MTMR3: variants seen among roughly 807,000 people sequenced by gnomAD.
MTMR3 encodes myotubularin related protein 3.
Under a neutral mutation model 132.4 loss-of-function variants are expected in MTMR3, and 32 were observed. That is an observed-to-expected ratio of 0.24 (90% CI 0.18 to 0.32). The LOEUF (loss-of-function observed/expected upper bound fraction) is 0.32. Ranked by LOEUF, MTMR3 falls within the 10% of genes least tolerant of loss-of-function variation. The probability of loss-of-function intolerance (pLI) is 1.00; values close to 1 mark genes in which losing one functional copy is unlikely to be tolerated. For missense variants in MTMR3, 1,216 were observed against 1,489.6 expected, an observed-to-expected ratio of 0.82 and a Z score of 3.02; for synonymous variants, 556 against 550.3, an observed-to-expected ratio of 1.01 and a Z score of -0.14.
chr22:29,943,914 C>T (rs1454997622), intron 1 of MTMR3, among the ~76,000 whole-genome samples: 1 of 151,938 alleles, frequency 6.6e-6, no homozygotes, highest in East Asian at 1.9e-4. Context: ...AACTCTGCCT[C>T]CTGGGCTTAC....
At chr22:30,008,109 A>G (rs928595793) in intron 11 of MTMR3, 77 bp downstream of exon 11, 20 of 1,560,468 alleles carry the variant, frequency 1.3e-5, no homozygotes, top group Non-Finnish European at 1.7e-5. Flanking sequence ...CTTAGTTCCC[A>G]ATTTGAAATA....
intron 1 of MTMR3, among the ~76,000 whole-genome samples, chr22:29,892,532 T>G (rs537224992): frequency 3.5e-3 from 529 of 152,304 alleles, no homozygotes; most frequent in Non-Finnish European, 5.0e-3. Flanking sequence ...TAACAAACTT[T>G]CCATGATGAT....
intron 1 of MTMR3, among the ~76,000 whole-genome samples, chr22:29,909,269 C>G (rs1448529908): frequency 1.3e-5 from 2 of 152,092 alleles, no homozygotes; most frequent in Admixed American, 1.3e-4. Flanking sequence ...AGATTATTTG[C>G]CCTACTCCCC....
chr22:29,995,224 G>A (rs924614238), intron 7 of MTMR3: 3 of 152,254 alleles, frequency 2.0e-5, no homozygotes, highest in African/African-American at 7.2e-5. Context: ...TTTGAATGCA[G>A]TCCAGGAAGT....
rs2067932153 is a variant in MTMR3 at position 30,027,418 on chromosome 22, A to G, written c.*1617A>G. The G allele has an allele frequency of 6.5e-6, 1 of 152,798 alleles. No homozygotes were observed. Among genetic ancestry groups the G allele is most frequent in the South Asian group, 2.1e-4 (1 of 4,836 alleles). The allele number at this position is 152,798 out of a possible 1,614,324, so 9.5% of individuals were successfully genotyped here. ...TTCCCTGGTGCTCTCAGTCCAGGCA[A>G]AGCCCAGAGCATCTGAGCACGTCTC... is the stretch of plus-strand genomic sequence containing the variant. On this transcript the variant is annotated 3_prime_UTR_variant, in exon 20 of 20. Coordinates refer to ENST00000401950, the MANE Select transcript of MTMR3 (RefSeq NM_021090.4).
intron 1 of MTMR3, among the ~76,000 whole-genome samples, chr22:29,914,166 T>C (rs1013228418): frequency 6.6e-6 from 1 of 152,200 alleles, no homozygotes; most frequent in Admixed American, 6.5e-5. Context: ...TGCAGGATTG[T>C]AGGGTAAGTG....
chr22:29,999,719 A>G (rs1434269357), intron 8 of MTMR3: 1 of 152,258 alleles, frequency 6.6e-6, no homozygotes, highest in East Asian at 1.9e-4. Context: ...TTAAATATTA[A>G]TGTAACCTTT....
At chr22:29,903,793 TTTCTCATTAATGTATG>T (rs2065045159) in intron 1 of MTMR3, among the ~76,000 whole-genome samples, 1 of 152,170 alleles carries the variant, frequency 6.6e-6, no homozygotes, top group African/African-American at 2.4e-5. Context: ...CTACAGAGCT[TTTCTCATTAATGTATG>T]TTCCTTCTGA....
At chr22:29,900,085 C>G (rs2064976313) in intron 1 of MTMR3, among the ~76,000 whole-genome samples, 1 of 152,062 alleles carries the variant, frequency 6.6e-6, no homozygotes, top group Non-Finnish European at 1.5e-5. Context: ...GAAGAGTGCA[C>G]AAATCAAATG....
chr22:30,008,526 C>G, intron 11 of MTMR3: 1 of 161,644 alleles, frequency 6.2e-6, no homozygotes, highest in South Asian at 1.7e-4. Flanking sequence ...GGAATGCTAG[C>G]TTTCCCCAAG....
chr22:29,892,302 C>G (rs771376500), intron 1 of MTMR3, among the ~76,000 whole-genome samples: 1 of 152,082 alleles, frequency 6.6e-6, no homozygotes, highest in Non-Finnish European at 1.5e-5. Flanking sequence ...TGTAAGTACT[C>G]TATTTCTTCT....
At chr22:30,022,882 A>G in intron 19 of MTMR3, 185 bp downstream of exon 19, 1 of 594,264 alleles carries the variant, frequency 1.7e-6, no homozygotes, top group South Asian at 2.0e-5. Context: ...GTTCAAATTC[A>G]GAGTAATCAC....
At chr22:29,909,729 C>T (rs541253377) in intron 1 of MTMR3, among the ~76,000 whole-genome samples, 1 of 152,244 alleles carries the variant, frequency 6.6e-6, no homozygotes, top group East Asian at 1.9e-4. Context: ...CAGCATATAA[C>T]AGAACTTTGT....
At chr22:29,991,298 C>T (rs775080267) in intron 6 of MTMR3, 30 of 420,038 alleles carry the variant, frequency 7.1e-5, no homozygotes, top group Non-Finnish European at 8.8e-5. Context: ...TGGTCAGCTT[C>T]CTCCTTTTGG....
Position 30,022,073 on chromosome 22 carries a change from G to A in MTMR3, c.3270G>A (p.Leu1090=), listed in dbSNP as rs764367696. ...AAAGCAATCTGGATCAGAACTGTTT[G>A]TCTCGCTGCAGCACAGAGATTTTCT... ...DSESNLDQNC[L]SRCSTEIFSE... is the part of the protein sequence containing the mutation. The change falls in exon 18 of 20, where the codon TTG becomes TTA. Residue 1090 remains leucine (L), a synonymous_variant. Coordinates refer to ENST00000401950, the MANE Select transcript of MTMR3 (RefSeq NM_021090.4). 3.7e-6 allele frequency: 6 copies of A among 1,614,096 alleles called. No individual in the cohort carries two copies. Among genetic ancestry groups the A allele is most frequent in the Non-Finnish European group, 5.1e-6 (6 of 1,180,048 alleles).
chr22:29,973,692 T>C (rs1394846429), intron 3 of MTMR3, among the ~76,000 whole-genome samples: 2 of 152,166 alleles, frequency 1.3e-5, no homozygotes, highest in Admixed American at 6.5e-5. Context: ...CTCCGCCTCC[T>C]GGGTACAAGC....
intron 1 of MTMR3, among the ~76,000 whole-genome samples, chr22:29,944,855 T>C (rs1648072897): frequency 6.6e-6 from 1 of 152,216 alleles, no homozygotes; most frequent in Non-Finnish European, 1.5e-5. Context: ...ATGTTTACTT[T>C]TATATTTGCT....
At chr22:29,941,732 A>G (rs2065860847) in intron 1 of MTMR3, among the ~76,000 whole-genome samples, 1 of 152,208 alleles carries the variant, frequency 6.6e-6, no homozygotes, top group Admixed American at 6.5e-5. Context: ...AGATTTTTAA[A>G]ATAAAATTTT....
At chr22:29,913,718 A>T (rs943516062) in intron 1 of MTMR3, among the ~76,000 whole-genome samples, 1 of 148,934 alleles carries the variant, frequency 6.7e-6, no homozygotes, top group African/African-American at 2.5e-5. Context: ...TAGTTAATGG[A>T]TATTGGGGTT....
Sources: allele counts gnomAD v4.1 joint callset (sites outside exome capture counted in the v4.1 genomes callset), GRCh38; gene constraint gnomAD v4.1.1; transcripts MANE v1.5; gene names NCBI Gene and HGNC (gene_info 2026-07-23, HGNC 2026-07-21).